LRBA: variants seen among roughly 807,000 people sequenced by gnomAD.
The protein encoded by LRBA is LPS responsive beige-like anchor protein, also known as lipopolysaccharide-responsive and beige-like anchor protein.
A neutral mutation model predicts 330.0 loss-of-function variants in LRBA; 176 were observed. The observed-to-expected ratio is 0.53, with a 90% CI of 0.47 to 0.60. LRBA has a LOEUF of 0.60. Among genes scored for constraint, LRBA ranks in the 20% least tolerant of loss-of-function variants. The pLI is 0.00. For missense variants in LRBA, 3,259 were observed against 3,444.8 expected, an observed-to-expected ratio of 0.95 and a Z score of 1.35; for synonymous variants, 1,230 against 1,193.0, an observed-to-expected ratio of 1.03 and a Z score of -0.64.
intron 2 of LRBA, among the ~76,000 whole-genome samples, chr4:150,999,418 G>A (rs191053868): frequency 6.6e-6 from 1 of 152,014 alleles, no homozygotes; most frequent in Admixed American, 6.5e-5. Context: ...CTTTGGCTGG[G>A]CTGCTGATTT....
chr4:150,566,745 TACTC>T (rs1237957422), intron 40 of LRBA, among the ~76,000 whole-genome samples: 1 of 152,104 alleles, frequency 6.6e-6, no homozygotes, highest in Non-Finnish European at 1.5e-5. Flanking sequence ...GTTATTTAAA[TACTC>T]ACAATCAAAA....
chr4:150,937,629 A>G (rs1324090635), intron 2 of LRBA, among the ~76,000 whole-genome samples: 1 of 152,138 alleles, frequency 6.6e-6, no homozygotes, highest in Non-Finnish European at 1.5e-5. Context: ...CCATTTCAAC[A>G]TATTTTAGTC....
intron 52 of LRBA, among the ~76,000 whole-genome samples, chr4:150,303,729 A>C (rs903210847): frequency 6.6e-6 from 1 of 151,846 alleles, no homozygotes; most frequent in African/African-American, 2.4e-5. Context: ...CACCACCACC[A>C]CGCCCGGCTA....
At chr4:150,479,451 T>G (rs1246174018) in intron 42 of LRBA, among the ~76,000 whole-genome samples, 2 of 152,194 alleles carry the variant, frequency 1.3e-5, no homozygotes, top group Non-Finnish European at 1.5e-5. Context: ...CTGGGCTGCT[T>G]CTTCCTGAAC....
chr4:150,615,612 AAG>A (rs1238468764), intron 37 of LRBA, among the ~76,000 whole-genome samples: 1 of 152,132 alleles, frequency 6.6e-6, no homozygotes, highest in Non-Finnish European at 1.5e-5. Context: ...CCTGAGAAAA[AAG>A]AGAATGTGAG....
chr4:150,528,941 T>C (rs1474578078), intron 40 of LRBA, among the ~76,000 whole-genome samples: 2 of 152,186 alleles, frequency 1.3e-5, no homozygotes, highest in African/African-American at 4.8e-5. Flanking sequence ...AAATGTGTGC[T>C]TGTTTTTCAT....
rs187553009 is a variant in LRBA, at chr4:150,530,775, T to C, written c.6331-39740A>G. Among the ~76,000 whole-genome samples, 121 of 152,314 alleles carry C rather than the reference T, an allele frequency of 7.9e-4. 1 individual carries two copies. Among genetic ancestry groups the C allele is most frequent in the African/African-American group, 2.8e-3 (118 of 41,576 alleles). On this transcript the variant is annotated intron_variant, in intron 40 of 56. Coordinates refer to ENST00000651943, the MANE Select transcript of LRBA (RefSeq NM_001364905.1). ...CAATTACTAAACAAGATTCCTTTCT[T>C]GTTCTTTTAGATGAGCAAAAAAGGA...
intron 44 of LRBA, among the ~76,000 whole-genome samples, chr4:150,459,039 T>C (rs2152045377): frequency 6.6e-6 from 1 of 152,082 alleles, no homozygotes; most frequent in African/African-American, 2.4e-5. Context: ...CGAAGTAGAA[T>C]CCCTAAATGT....
At chr4:150,469,119 A>G (rs1287548016) in intron 43 of LRBA, among the ~76,000 whole-genome samples, 1 of 152,118 alleles carries the variant, frequency 6.6e-6, no homozygotes, top group Non-Finnish European at 1.5e-5. Context: ...ATCTACTTAA[A>G]TAATCAGAAA....
intron 2 of LRBA, among the ~76,000 whole-genome samples, chr4:150,945,316 C>G (rs1477592188): frequency 6.6e-6 from 1 of 152,054 alleles, no homozygotes; most frequent in Non-Finnish European, 1.5e-5. Context: ...GCCTAAATAT[C>G]CAGCAATAGA....
chr4:150,777,395 T>A (rs1471584108), intron 34 of LRBA, among the ~76,000 whole-genome samples: 2 of 151,754 alleles, frequency 1.3e-5, no homozygotes, highest in South Asian at 2.1e-4. Flanking sequence ...AAAAAAAAAA[T>A]TTTAAACCTG....
At chr4:150,350,993 A>G (rs548019259) in intron 47 of LRBA, among the ~76,000 whole-genome samples, 2 of 152,188 alleles carry the variant, frequency 1.3e-5, no homozygotes, top group Non-Finnish European at 2.9e-5. Flanking sequence ...GGGGATACCT[A>G]TAATTACTGA....
intron 33 of LRBA, among the ~76,000 whole-genome samples, chr4:150,804,187 A>C (rs1227480725): frequency 1.3e-5 from 2 of 152,184 alleles, no homozygotes; most frequent in East Asian, 3.8e-4. Context: ...TCATTACTTC[A>C]TCAAATAGTT....
intron 37 of LRBA, among the ~76,000 whole-genome samples, chr4:150,639,154 G>A (rs1778233101): frequency 6.8e-6 from 1 of 147,008 alleles, no homozygotes; most frequent in Non-Finnish European, 1.5e-5. Flanking sequence ...ATTGAACGAT[G>A]AGATCACACG....
intron 40 of LRBA, among the ~76,000 whole-genome samples, chr4:150,536,356 A>G (rs1166359272): frequency 1.3e-5 from 2 of 152,340 alleles, no homozygotes; most frequent in East Asian, 3.9e-4. Flanking sequence ...TTTGTAGGAA[A>G]ACATATTGTT....
chr4:150,892,756 G>T (rs2127096621), intron 17 of LRBA, among the ~76,000 whole-genome samples: 1 of 152,240 alleles, frequency 6.6e-6, no homozygotes, highest in Non-Finnish European at 1.5e-5. Context: ...AGGACCTAAA[G>T]ATAATTCTGC....
At chr4:150,496,710 A>T (rs945227519) in intron 40 of LRBA, among the ~76,000 whole-genome samples, 21 of 152,132 alleles carry the variant, frequency 1.4e-4, no homozygotes, top group African/African-American at 5.1e-4. Flanking sequence ...ATTCTATAGT[A>T]ATTTTATTTT....
intron 2 of LRBA, among the ~76,000 whole-genome samples, chr4:150,997,878 A>G (rs778643325): frequency 4.0e-5 from 6 of 151,610 alleles, no homozygotes; most frequent in Non-Finnish European, 5.9e-5. Context: ...TAATTTTTGT[A>G]TTTTTAGTAG....
At chr4:150,492,979 T>G (rs545278161) in intron 40 of LRBA, among the ~76,000 whole-genome samples, 2 of 152,280 alleles carry the variant, frequency 1.3e-5, no homozygotes, top group Admixed American at 1.3e-4. Context: ...CCTGAAATTT[T>G]AAATATTAAT....
Sources: allele counts gnomAD v4.1 joint callset (sites outside exome capture counted in the v4.1 genomes callset), GRCh38; gene constraint gnomAD v4.1.1; transcripts MANE v1.5; gene names NCBI Gene and HGNC (gene_info 2026-07-23, HGNC 2026-07-21).